Variants in SPOCK3 observed in about 807,000 individuals in gnomAD.
SPOCK3 encodes testican-3.
A neutral mutation model predicts 56.6 loss-of-function variants in SPOCK3; 30 were observed. That is an observed-to-expected ratio of 0.53 (90% CI 0.40 to 0.72). SPOCK3 has a LOEUF of 0.72. Among genes scored for constraint, SPOCK3 ranks in the 30% least tolerant of loss-of-function variants. SPOCK3 has a pLI of 0.00. For missense variants in SPOCK3, 527 were observed against 530.0 expected, an observed-to-expected ratio of 0.99 and a Z score of 0.06; for synonymous variants, 196 against 183.3, an observed-to-expected ratio of 1.07 and a Z score of -0.56.
chr4:166,734,659 T>C lies in SPOCK3; in HGVS notation c.*262A>G. ...GTTTGTTCTCGTGAAAAACTTATTA[T>C]AGTAGCACTTCAAAACTTTATTTTG... On this transcript the variant is annotated 3_prime_UTR_variant, in exon 11 of 11. Transcript: ENST00000357545. 3.3e-6 allele frequency: 1 copy of C among 302,696 alleles called. No homozygotes were observed. The highest frequency in any genetic ancestry group is 5.5e-5 in the East Asian group (1 of 18,062). The allele number at this position is 302,696 out of a possible 1,614,324, so 18.8% of individuals were successfully genotyped here.
intron 5 of SPOCK3, among the ~76,000 whole-genome samples, chr4:166,912,399 A>G (rs1361564058): frequency 6.6e-6 from 1 of 152,186 alleles, no homozygotes; most frequent in Non-Finnish European, 1.5e-5. Context: ...GTTGGCTTTG[A>G]TATCTGAGGG....
intron 2 of SPOCK3, among the ~76,000 whole-genome samples, chr4:167,205,182 TAG>T (rs1184266305): frequency 7.4e-5 from 8 of 107,760 alleles, no homozygotes; most frequent in African/African-American, 2.6e-4. Context: ...TTATATATTA[TAG>T]ATATTTTATA....
intron 2 of SPOCK3, among the ~76,000 whole-genome samples, chr4:167,174,096 T>C (rs1730747241): frequency 6.6e-6 from 1 of 152,136 alleles, no homozygotes; most frequent in Non-Finnish European, 1.5e-5. Context: ...CAATAACATT[T>C]TATTCCTTAC....
intron 3 of SPOCK3, among the ~76,000 whole-genome samples, chr4:167,027,621 C>T (rs1451834881): frequency 6.6e-6 from 1 of 151,980 alleles, no homozygotes; most frequent in Non-Finnish European, 1.5e-5. Flanking sequence ...ACTGTTGAAG[C>T]CTTACCGTTA....
chr4:166,738,983 C>T (rs939790554), intron 9 of SPOCK3, among the ~76,000 whole-genome samples: 13 of 151,888 alleles, frequency 8.6e-5, no homozygotes, highest in Admixed American at 7.2e-4. Context: ...GGGTATATAC[C>T]CAGTAATGGG....
At chr4:166,886,249 C>G (rs1275796141) in intron 6 of SPOCK3, among the ~76,000 whole-genome samples, 1 of 151,774 alleles carries the variant, frequency 6.6e-6, no homozygotes, top group African/African-American at 2.4e-5. Context: ...ATCTACTTTA[C>G]AAATAATACT....
chr4:167,039,579 A>T (rs1342570469), intron 3 of SPOCK3, among the ~76,000 whole-genome samples: 1 of 152,158 alleles, frequency 6.6e-6, no homozygotes, highest in Admixed American at 6.5e-5. Context: ...CCTAAGAAAT[A>T]AAATGAGTCA....
chr4:166,903,115 A>C (rs1022019825), intron 5 of SPOCK3, among the ~76,000 whole-genome samples: 9 of 147,248 alleles, frequency 6.1e-5, no homozygotes, highest in African/African-American at 2.0e-4. Flanking sequence ...TTTATTTATA[A>C]ATTATTTATA....
chr4:167,172,586 C>T (rs571502144), intron 2 of SPOCK3, among the ~76,000 whole-genome samples: 2 of 152,228 alleles, frequency 1.3e-5, no homozygotes, highest in South Asian at 4.1e-4. Context: ...CAACTTCAAA[C>T]TAGTTTTCCT....
chr4:166,764,340 C>G (rs1355793835), intron 7 of SPOCK3, among the ~76,000 whole-genome samples: 2 of 152,040 alleles, frequency 1.3e-5, no homozygotes, highest in African/African-American at 4.8e-5. Context: ...TCCCTCCCCC[C>G]TCTCCCCACC....
At chr4:166,966,241 T>TG (rs1744720814) in intron 4 of SPOCK3, among the ~76,000 whole-genome samples, 1 of 58,584 alleles carries the variant, frequency 1.7e-5, no homozygotes, top group Admixed American at 2.8e-4. Flanking sequence ...CCTTTCAGCG[T>TG]TTTTTTTTTT....
intron 7 of SPOCK3, among the ~76,000 whole-genome samples, chr4:166,786,804 G>A (rs539052405): frequency 1.3e-5 from 2 of 152,260 alleles, no homozygotes; most frequent in Admixed American, 1.3e-4. Context: ...ACTATTTCCA[G>A]CCAACTTTAC....
intron 4 of SPOCK3, among the ~76,000 whole-genome samples, chr4:166,970,826 T>C (rs987561290): frequency 6.6e-6 from 1 of 151,892 alleles, no homozygotes; most frequent in Admixed American, 6.6e-5. Context: ...GAAATAGAAA[T>C]ATATCAAGGC....
At chr4:166,794,210 C>CAAAAAAAAAAAAAAAAAAAAAAAAAAAA (rs10710162) in intron 6 of SPOCK3, among the ~76,000 whole-genome samples, 4 of 73,614 alleles carry the variant, frequency 5.4e-5, no homozygotes, top group Non-Finnish European at 7.4e-5. Context: ...GGTGATAAGG[C>CAAAAAAAAAAAAAAAAAAAAAAAAAAAA]AAAAAAAAAA....
intron 2 of SPOCK3, among the ~76,000 whole-genome samples, chr4:167,133,413 C>T (rs190556649): frequency 1.0e-3 from 153 of 152,224 alleles, no homozygotes; most frequent in African/African-American, 3.2e-3. Context: ...CTTCTGCTTC[C>T]GGAACTGTAA....
chr4:167,148,969 T>C (rs1764193193), intron 2 of SPOCK3, among the ~76,000 whole-genome samples: 1 of 152,130 alleles, frequency 6.6e-6, no homozygotes, highest in East Asian at 1.9e-4. Flanking sequence ...TTGTTTCACT[T>C]TGAAGGATGT....
intron 6 of SPOCK3, among the ~76,000 whole-genome samples, chr4:166,842,448 C>T (rs1747534091): frequency 6.6e-6 from 1 of 152,046 alleles, no homozygotes; most frequent in African/African-American, 2.4e-5. Context: ...TCTAGCTAGA[C>T]ATAAAAGTTC....
intron 6 of SPOCK3, among the ~76,000 whole-genome samples, chr4:166,793,659 G>A (rs986064699): frequency 4.6e-5 from 7 of 152,084 alleles, no homozygotes; most frequent in African/African-American, 1.7e-4. Context: ...TGACATTTTA[G>A]AACACTGGAG....
intron 3 of SPOCK3, among the ~76,000 whole-genome samples, chr4:167,034,156 A>G (rs963565257): frequency 2.0e-5 from 3 of 152,016 alleles, no homozygotes; most frequent in Non-Finnish European, 4.4e-5. Context: ...TATAAATTCT[A>G]TGAAGCTATT....
Sources: allele counts gnomAD v4.1 joint callset (sites outside exome capture counted in the v4.1 genomes callset), GRCh38; gene constraint gnomAD v4.1.1; transcripts MANE v1.5; gene names NCBI Gene and HGNC (gene_info 2026-07-23, HGNC 2026-07-21).